Variants in TAPT1 observed in about 807,000 individuals in gnomAD.
TAPT1 encodes the protein transmembrane anterior posterior transformation 1.
In TAPT1, 28 loss-of-function variants were observed where a neutral mutation model predicts 65.6. The observed-to-expected ratio is 0.43, with a 90% CI of 0.32 to 0.59. The LOEUF is 0.59. Among genes scored for constraint, TAPT1 ranks in the 20% least tolerant of loss-of-function variants. The pLI is 0.09. For synonymous variants in TAPT1, 278 were observed against 245.2 expected (o/e 1.13, Z -1.25); for missense variants, 563 against 679.9 (o/e 0.83, Z 1.91).
At chr4:16,194,923 G>C (rs1749610214) in intron 3 of TAPT1, among the ~76,000 whole-genome samples, 1 of 148,976 alleles carries the variant, frequency 6.7e-6, no homozygotes, top group Non-Finnish European at 1.5e-5. Context: ...GTACAGACAG[G>C]GTTTCACCAT....
intron 12 of TAPT1, among the ~76,000 whole-genome samples, chr4:16,168,138 C>T (rs1747759491): frequency 6.8e-6 from 1 of 147,220 alleles, no homozygotes; most frequent in Non-Finnish European, 1.5e-5. Flanking sequence ...TTTTAAGAAG[C>T]AGTCTTGCAT....
At chr4:16,197,711 A>G (rs532158395) in intron 3 of TAPT1, among the ~76,000 whole-genome samples, 1 of 152,336 alleles carries the variant, frequency 6.6e-6, no homozygotes, top group East Asian at 1.9e-4. Flanking sequence ...GTTCTGTTTT[A>G]TATGTCATGA....
Position 16,163,260 on chromosome 4 carries a change from C to T in TAPT1, c.*48G>A, listed in dbSNP as rs1747369802. ...GCATCTATTTGTCCTGGCAACACAGCACTTGTTGCCCCAGGACCCAGCTTC... is the reference window on the plus strand; with the variant it reads ...GCATCTATTTGTCCTGGCAACACAGTACTTGTTGCCCCAGGACCCAGCTTC... On this transcript the variant is annotated 3_prime_UTR_variant, in exon 14 of 14. Transcript: ENST00000405303. 2.2e-6 allele frequency: 3 copies of T among 1,341,644 alleles called. No individual in the cohort carries two copies. The Middle Eastern group carries it at 5.4e-4, about 243-fold the overall frequency. 83.1% of individuals were successfully genotyped at this position (1,341,644 alleles called of 1,614,324 possible). A position where few individuals can be genotyped will look rare whatever the true frequency, so the allele number is the denominator to read the frequency against.
At chr4:16,209,477 T>A (rs1009293393) in intron 2 of TAPT1, among the ~76,000 whole-genome samples, 2 of 152,222 alleles carry the variant, frequency 1.3e-5, no homozygotes, top group African/African-American at 2.4e-5. Context: ...TCTTTCTAAA[T>A]TTGAATTTAA....
chr4:16,198,869 C>G (rs1248013227), intron 3 of TAPT1, among the ~76,000 whole-genome samples: 1 of 152,094 alleles, frequency 6.6e-6, no homozygotes, highest in Non-Finnish European at 1.5e-5. Context: ...TTAACAATAG[C>G]TTTGTTTATG....
In TAPT1 at chr4:16,160,705, T is replaced by C. The variant is rs1012939123; in HGVS notation, c.*2603A>G. 1.3e-5 allele frequency: 2 copies of C among 152,254 alleles called. No homozygotes were observed. The highest frequency in any genetic ancestry group is 1.3e-4 in the Admixed American group (2 of 15,278). The allele number at this position is 152,254 out of a possible 1,614,324, so 9.4% of individuals were successfully genotyped here. A position where few individuals can be genotyped will look rare whatever the true frequency, so the allele number is the denominator to read the frequency against. On this transcript the variant is annotated 3_prime_UTR_variant, in exon 14 of 14. Coordinates refer to ENST00000405303, the MANE Select transcript of TAPT1 (RefSeq NM_153365.3). ...ACATAGGAAGTGATTAACAAATCTT[T>C]GTTGATAAAAAATAGTTGAAAACAT...
At chr4:16,206,191 T>C (rs948419211) in intron 2 of TAPT1, among the ~76,000 whole-genome samples, 4 of 152,206 alleles carry the variant, frequency 2.6e-5, no homozygotes, top group Admixed American at 6.5e-5. Flanking sequence ...ACAAAGGGAT[T>C]ATCATGAGCC....
chr4:16,185,422 G>A (rs888603932), intron 7 of TAPT1, among the ~76,000 whole-genome samples: 2 of 150,686 alleles, frequency 1.3e-5, no homozygotes, highest in African/African-American at 4.9e-5. Flanking sequence ...AGGCTGGAGT[G>A]CTCTAGTACA....
intron 7 of TAPT1, chr4:16,182,720 C>G (rs1347783105): frequency 6.6e-6 from 1 of 152,192 alleles, no homozygotes; most frequent in African/African-American, 2.4e-5. Flanking sequence ...TTCTTCATCT[C>G]AAGAATGCAA....
intron 2 of TAPT1, among the ~76,000 whole-genome samples, chr4:16,210,118 A>ATGT (rs1750570011): frequency 6.6e-6 from 1 of 152,164 alleles, no homozygotes; most frequent in African/African-American, 2.4e-5. Flanking sequence ...GCCATTGGTT[A>ATGT]TGTTCTTCAT....
chr4:16,169,815 C>A (rs1234216701), intron 12 of TAPT1, among the ~76,000 whole-genome samples: 1 of 152,202 alleles, frequency 6.6e-6, no homozygotes, highest in East Asian at 1.9e-4. Flanking sequence ...GGGCAGGAAA[C>A]AATGTGAAAA....
chr4:16,226,302 G>A lies in TAPT1; in HGVS notation c.156C>T (p.Phe52=). ...PAPQLTETLG[F]YESDRRRERR... is the part of the protein sequence containing the mutation. ...TCTCCCGCCGCCGGTCGCTCTCGTA[G>A]AAGCCCAGCGTCTCTGTGAGCTGAG... is the stretch of plus-strand genomic sequence containing the variant. The change falls in exon 1 of 14, where the codon TTC becomes TTT. Residue 52 remains phenylalanine, a synonymous_variant. Coordinates refer to ENST00000405303, the MANE Select transcript of TAPT1 (RefSeq NM_153365.3). The A allele has an allele frequency of 8.8e-7, 1 of 1,130,146 alleles. No homozygotes were observed. The highest frequency in any genetic ancestry group is 1.1e-6 in the Non-Finnish European group (1 of 923,818). The allele number at this position is 1,130,146 out of a possible 1,614,324, so 70.0% of individuals were successfully genotyped here.
At chr4:16,206,994 G>A (rs1460333455) in intron 2 of TAPT1, among the ~76,000 whole-genome samples, 1 of 152,170 alleles carries the variant, frequency 6.6e-6, no homozygotes, top group African/African-American at 2.4e-5. Context: ...CACAAGCAGG[G>A]TGTGACAAGC....
Position 16,186,912 on chromosome 4 carries a change from C to G in TAPT1, c.749-34G>C, listed in dbSNP as rs757187031. ...AGGTCAAGGAAAAAACTTAAATTTG[C>G]TTTCATATTATTACTGATAATACTA... On this transcript the variant is annotated intron_variant, in intron 5 of 13. Coordinates refer to ENST00000405303, the MANE Select transcript of TAPT1 (RefSeq NM_153365.3). 1.3e-5 allele frequency: 17 copies of G among 1,302,196 alleles called. No individual in the cohort carries two copies. The African/African-American group carries it at 2.4e-4, about 18-fold the overall frequency. 80.7% of individuals were successfully genotyped at this position (1,302,196 alleles called of 1,614,324 possible). A position where few individuals can be genotyped will look rare whatever the true frequency, so the allele number is the denominator to read the frequency against.
At position 16,160,829 on chromosome 4, in the gene TAPT1, A is replaced by T. The variant is rs571453641; in HGVS notation, c.*2479T>A. ...TATATTTTGATGGCCTAATTATAGC[A>T]AGTTTCTTTCACTTTATGTAACATG... On this transcript the variant is annotated 3_prime_UTR_variant, in exon 14 of 14. Transcript: ENST00000405303. The T allele has an allele frequency of 2.0e-5, 3 of 152,786 alleles. No individual in the cohort carries two copies. The highest frequency in any genetic ancestry group is 2.0e-4 in the Admixed American group (3 of 15,310). 9.5% of individuals were successfully genotyped at this position (152,786 alleles called of 1,614,324 possible). A position where few individuals can be genotyped will look rare whatever the true frequency, so the allele number is the denominator to read the frequency against.
chr4:16,196,429 T>C, intron 3 of TAPT1, among the ~76,000 whole-genome samples: 1 of 152,214 alleles, frequency 6.6e-6, no homozygotes, highest in Non-Finnish European at 1.5e-5. Flanking sequence ...AAGATGACTT[T>C]TGAGCGGATT....
At chr4:16,226,132 C>T (rs1408693741) in intron 1 of TAPT1, 127 bp downstream of exon 1, 3 of 1,029,404 alleles carry the variant, frequency 2.9e-6, no homozygotes, top group East Asian at 1.5e-4. Flanking sequence ...GCGCCCACAG[C>T]CTGGGGAGCC....
At chr4:16,220,267 A>C (rs1376128801) in intron 1 of TAPT1, among the ~76,000 whole-genome samples, 3 of 152,236 alleles carry the variant, frequency 2.0e-5, no homozygotes, top group Admixed American at 6.5e-5. Flanking sequence ...AGCTAAGTAC[A>C]TCTTAACTTC....
intron 3 of TAPT1, among the ~76,000 whole-genome samples, chr4:16,199,646 C>T (rs542041474): frequency 6.6e-6 from 1 of 152,116 alleles, no homozygotes; most frequent in South Asian, 2.1e-4. Flanking sequence ...GGATGGAATG[C>T]AGTGGTGCAA....
Sources: allele counts gnomAD v4.1 joint callset (sites outside exome capture counted in the v4.1 genomes callset), GRCh38; gene constraint gnomAD v4.1.1; transcripts MANE v1.5; gene names NCBI Gene and HGNC (gene_info 2026-07-23, HGNC 2026-07-21).